Variants in EIF3H observed in about 807,000 individuals in gnomAD.
EIF3H encodes eIF-3-gamma.
In EIF3H, 26 loss-of-function variants were observed where a neutral mutation model predicts 44.2. The observed-to-expected ratio is 0.59, with a 90% CI of 0.43 to 0.82. EIF3H has a LOEUF of 0.82. Ranked by LOEUF, EIF3H falls within the 40% of genes least tolerant of loss-of-function variation. The pLI is 0.00. For missense variants in EIF3H, 359 were observed against 432.8 expected (o/e 0.83, Z 1.51); for synonymous variants, 166 against 151.9 (o/e 1.09, Z -0.68).
At chr8:116,658,510 G>T (rs1401312517) in intron 3 of EIF3H, 1 of 262,642 alleles carries the variant, frequency 3.8e-6, no homozygotes, top group Non-Finnish European at 7.2e-6. Context: ...AGCAATCGGG[G>T]TTTGTTAGAC....
intron 2 of EIF3H, among the ~76,000 whole-genome samples, chr8:116,686,369 CTACT>C (rs1814077925): frequency 6.6e-6 from 1 of 152,078 alleles, no homozygotes; most frequent in Non-Finnish European, 1.5e-5. Context: ...TCCTGACTAC[CTACT>C]TATCAGAAAG....
chr8:116,670,962 C>G (rs4289847), intron 2 of EIF3H, among the ~76,000 whole-genome samples: 135,285 of 152,230 alleles, frequency 0.89, 60,410 homozygotes, highest in African/African-American at 0.96. Context: ...GTATATGAGG[C>G]GGAAGTAAAA....
intron 2 of EIF3H, among the ~76,000 whole-genome samples, chr8:116,724,511 G>A (rs1814800793): frequency 6.6e-6 from 1 of 151,708 alleles, no homozygotes; most frequent in Admixed American, 6.6e-5. Context: ...TAGTAAAAAG[G>A]CAACTTACAA....
intron 3 of EIF3H, among the ~76,000 whole-genome samples, chr8:116,658,060 G>A (rs1383108601): frequency 1.3e-5 from 2 of 152,166 alleles, no homozygotes; most frequent in African/African-American, 4.8e-5. Context: ...AATTCATCAA[G>A]GTCTGATGAT....
chr8:116,716,871 A>G (rs1814666825), intron 2 of EIF3H, among the ~76,000 whole-genome samples: 1 of 152,080 alleles, frequency 6.6e-6, no homozygotes, highest in South Asian at 2.1e-4. Context: ...TCCTCTTTAC[A>G]TGAGGCACCA....
chr8:116,729,794 C>A (rs1814920637), intron 1 of EIF3H, among the ~76,000 whole-genome samples: 2 of 152,154 alleles, frequency 1.3e-5, no homozygotes, highest in Admixed American at 1.3e-4. Flanking sequence ...AAAGCACTTT[C>A]CAAATACTGA....
At chr8:116,711,012 A>G (rs1253223436) in intron 2 of EIF3H, among the ~76,000 whole-genome samples, 2 of 152,204 alleles carry the variant, frequency 1.3e-5, no homozygotes, top group Non-Finnish European at 2.9e-5. Context: ...CTATACATAC[A>G]TTTTAGAAAT....
intron 2 of EIF3H, among the ~76,000 whole-genome samples, chr8:116,700,626 T>C (rs1814359570): frequency 6.6e-6 from 1 of 152,212 alleles, no homozygotes; most frequent in Non-Finnish European, 1.5e-5. Context: ...TGGCTTACTG[T>C]TCCTGTTTCT....
intron 2 of EIF3H, chr8:116,697,184 G>A: frequency 4.4e-6 from 2 of 456,208 alleles, no homozygotes; most frequent in Non-Finnish European, 8.8e-6. Context: ...TCTCCTGTGT[G>A]TGCTTGTCCC....
At chr8:116,760,247 T>G (rs1815505556), upstream of EIF3H, among the ~76,000 whole-genome samples, 1 of 152,204 alleles carries the variant, frequency 6.6e-6, no homozygotes, top group South Asian at 2.1e-4. Flanking sequence ...AATACACTTT[T>G]TGTTTTGTTT....
At chr8:116,688,178 G>C (rs1394731685) in intron 2 of EIF3H, among the ~76,000 whole-genome samples, 2 of 152,102 alleles carry the variant, frequency 1.3e-5, no homozygotes, top group Non-Finnish European at 2.9e-5. Context: ...CCACAAGCTA[G>C]ACAGTAGTGA....
At chr8:116,709,652 T>C (rs1814539247) in intron 2 of EIF3H, among the ~76,000 whole-genome samples, 1 of 152,198 alleles carries the variant, frequency 6.6e-6, no homozygotes, top group Non-Finnish European at 1.5e-5. Context: ...TTGTAAGATT[T>C]TGAAGCTATA....
chr8:116,648,327 C>A (rs890888178), intron 6 of EIF3H, among the ~76,000 whole-genome samples: 1 of 152,164 alleles, frequency 6.6e-6, no homozygotes, highest in Non-Finnish European at 1.5e-5. Context: ...TGAGAATATT[C>A]GGATAATTCT....
chr8:116,675,527 C>T (rs963895849), intron 2 of EIF3H, among the ~76,000 whole-genome samples: 12 of 152,208 alleles, frequency 7.9e-5, no homozygotes, highest in Admixed American at 5.9e-4. Flanking sequence ...AAAAGTGTCT[C>T]CAAACACCTC....
intron 2 of EIF3H, among the ~76,000 whole-genome samples, chr8:116,721,016 T>C (rs1018121033): frequency 6.6e-6 from 1 of 152,062 alleles, no homozygotes; most frequent in African/African-American, 2.4e-5. Flanking sequence ...GAAATTTGCA[T>C]AATGAGGAGC....
intron 2 of EIF3H, among the ~76,000 whole-genome samples, chr8:116,698,223 T>C (rs1270565869): frequency 6.6e-6 from 1 of 152,082 alleles, no homozygotes; most frequent in Non-Finnish European, 1.5e-5. Context: ...TTGATCAATA[T>C]GATGTAAAAT....
intron 2 of EIF3H, among the ~76,000 whole-genome samples, chr8:116,722,393 T>C (rs766996856): frequency 6.6e-6 from 1 of 152,192 alleles, no homozygotes; most frequent in Non-Finnish European, 1.5e-5. Context: ...ATCAGCAGCA[T>C]GAAAATGGAC....
At chr8:116,676,628 A>G (rs916060953) in intron 2 of EIF3H, among the ~76,000 whole-genome samples, 2 of 152,204 alleles carry the variant, frequency 1.3e-5, no homozygotes, top group Non-Finnish European at 2.9e-5. Context: ...GGGGTCACAA[A>G]GCCTAACCAT....
intron 5 of EIF3H, 68 bp from the exon 6 acceptor site, chr8:116,648,994 GT>G: frequency 7.2e-7 from 1 of 1,398,008 alleles, no homozygotes. Flanking sequence ...GCTCTAAACA[GT>G]TTTAAGATAT....
Sources: allele counts gnomAD v4.1 joint callset (sites outside exome capture counted in the v4.1 genomes callset), GRCh38; gene constraint gnomAD v4.1.1; transcripts MANE v1.5; gene names NCBI Gene and HGNC (gene_info 2026-07-23, HGNC 2026-07-21).